Variants in KIF23 observed in about 807,000 individuals in gnomAD.
The protein encoded by KIF23 is kinesin-like protein KIF23.
In KIF23, 30 loss-of-function variants were observed where a neutral mutation model predicts 137.5. The ratio of observed to expected loss-of-function variants is 0.22; its 90% CI spans 0.16 to 0.30. The LOEUF (loss-of-function observed/expected upper bound fraction) is 0.30. KIF23 is among the 10% of genes least tolerant of loss of function. KIF23 has a pLI of 1.00. For missense variants in KIF23, 920 were observed against 1,194.3 expected (o/e 0.77, Z 3.38); for synonymous variants, 367 against 391.1 (o/e 0.94, Z 0.73).
At chr15:69,437,661 A>G (rs1054371762) in intron 15 of KIF23, among the ~76,000 whole-genome samples, 1 of 151,928 alleles carries the variant, frequency 6.6e-6, no homozygotes, top group African/African-American at 2.4e-5. Flanking sequence ...GGGTTTCACC[A>G]TGTTGGTCAG....
chr15:69,421,804 G>A, intron 4 of KIF23, 52 bp downstream of exon 4: 2 of 1,387,586 alleles, frequency 1.4e-6, no homozygotes, highest in Non-Finnish European at 2.0e-6. Flanking sequence ...CTCCTCTTCT[G>A]ATAAAACTTT....
chr15:69,414,526 C>G, intron 1 of KIF23, 50 bp downstream of exon 1: 1 of 1,492,076 alleles, frequency 6.7e-7, no homozygotes, highest in Non-Finnish European at 8.9e-7. Context: ...GGGGCCGAGG[C>G]CTCGGGGCTG....
At chr15:69,428,224 C>T (rs2057254466) in intron 10 of KIF23, among the ~76,000 whole-genome samples, 1 of 151,836 alleles carries the variant, frequency 6.6e-6, no homozygotes, top group Admixed American at 6.6e-5. Flanking sequence ...CACTGCACTC[C>T]AGCCTGGCGA....
At chr15:69,438,931 C>G (rs2057547278) in intron 16 of KIF23, among the ~76,000 whole-genome samples, 1 of 151,870 alleles carries the variant, frequency 6.6e-6, no homozygotes, top group South Asian at 2.1e-4. Flanking sequence ...TGGCGAAACC[C>G]CATATCTACA....
intron 7 of KIF23, among the ~76,000 whole-genome samples, chr15:69,424,682 G>A (rs2057145140): frequency 6.6e-6 from 1 of 152,018 alleles, no homozygotes; most frequent in African/African-American, 2.4e-5. Flanking sequence ...ATTTCTTGTA[G>A]AGATAGGAGT....
chr15:69,444,918 A>G lies in KIF23; in HGVS notation c.2550A>G (p.Pro850=). The change falls in exon 20 of 24, where the codon CCA becomes CCG. Residue 850 remains proline, a synonymous_variant. Coordinates refer to ENST00000679126, the MANE Select transcript of KIF23 (RefSeq NM_001367805.3). This position sits in a 1 kb window ranked among gnomAD's most constrained non-coding sequence, Gnocchi z 4.2. ...SNMQTETVMQ[P]HVPHAITVSV... is the part of the protein sequence containing the mutation. ...TGCAAACTGAAACAGTCATGCAGCC[A>G]CATGTCCCTCATGCCATCACAGTAT... 6.2e-7 allele frequency: 1 copy of G among 1,614,212 alleles called. No individual in the cohort carries two copies. Among genetic ancestry groups the G allele is most frequent in the Non-Finnish European group, 8.5e-7 (1 of 1,180,034 alleles).
chr15:69,443,764 A>G (rs1020708382), intron 19 of KIF23: 2 of 151,856 alleles, frequency 1.3e-5, no homozygotes, highest in African/African-American at 4.8e-5. Context: ...CCAGGTTTAC[A>G]TGACATTTGA....
At chr15:69,419,161 T>G (rs1441277148) in intron 3 of KIF23, among the ~76,000 whole-genome samples, 1 of 152,070 alleles carries the variant, frequency 6.6e-6, no homozygotes, top group Non-Finnish European at 1.5e-5. Context: ...AAAACAACTT[T>G]CTAAACATTT....
In KIF23 at chr15:69,414,402, G is replaced by GT; in HGVS notation, c.-63dup. On this transcript the variant is annotated 5_prime_UTR_variant, in exon 1 of 24. Transcript: ENST00000679126. ...TCTAGTTCTTGCTGCCGGTCCTAAC[G>GT]TCCCGCAGTCTTCGCCAGCCAGCCG... 6.4e-7 allele frequency: 1 copy of GT among 1,558,470 alleles called. No homozygotes were observed. Among genetic ancestry groups the GT allele is most frequent in the Non-Finnish European group, 8.7e-7 (1 of 1,151,388 alleles).
chr15:69,439,566 TG>T (rs1440049549), intron 16 of KIF23, among the ~76,000 whole-genome samples: 1 of 152,178 alleles, frequency 6.6e-6, no homozygotes, highest in Non-Finnish European at 1.5e-5. Context: ...AGAGGTTTGG[TG>T]GGGGTACACA....
intron 19 of KIF23, among the ~76,000 whole-genome samples, chr15:69,442,141 TAGTCTCACC>T: frequency 6.6e-6 from 1 of 152,260 alleles, no homozygotes; most frequent in Middle Eastern, 3.4e-3. Context: ...TAATATAAAA[TAGTCTCACC>T]CTGTCCCCCT....
chr15:69,445,109 C>T (rs2140418298), intron 20 of KIF23, 68 bp downstream of exon 20: 1 of 1,425,700 alleles, frequency 7.0e-7, no homozygotes, highest in East Asian at 2.5e-5. Flanking sequence ...ATTTGTCCTG[C>T]TACTCCTTTG....
intron 11 of KIF23, among the ~76,000 whole-genome samples, chr15:69,429,603 G>A (rs77197675): frequency 0.036 from 5,539 of 152,144 alleles, 171 homozygotes; most frequent in East Asian, 0.12. Context: ...CACTGTAACC[G>A]GCCTCGATGG....
intron 2 of KIF23, 94 bp from the exon 3 acceptor site, chr15:69,417,289 A>G: frequency 8.4e-7 from 1 of 1,191,522 alleles, no homozygotes; most frequent in South Asian, 2.0e-5. Flanking sequence ...GAGAGACTGA[A>G]TGTTTGTTGA....
rs539122966 is a variant in KIF23 at position 69,434,744 on chromosome 15, G to A, written c.1115-739G>A. ...GGATCTTCTCCTTGGGCACGAACGC[G>A]CTGACTGGGCAGGAGGCCATAAAGC... On this transcript the variant is annotated intron_variant, in intron 11 of 23. Transcript: ENST00000679126. 38 of 1,249,636 alleles carry A rather than the reference G, an allele frequency of 3.0e-5. No individual in the cohort carries two copies. In the East Asian group the frequency reaches 4.1e-4, roughly 13 times the overall value. The allele number at this position is 1,249,636 out of a possible 1,614,324, so 77.4% of individuals were successfully genotyped here.
chr15:69,429,287 C>A, intron 11 of KIF23, 74 bp downstream of exon 11: 2 of 963,598 alleles, frequency 2.1e-6, no homozygotes, highest in Non-Finnish European at 3.2e-6. Context: ...ATCTACTTAT[C>A]AATGGGTGGT....
chr15:69,422,099 A>C lies in KIF23; in HGVS notation c.424A>C (p.Ser142Arg). The stretch of plus-strand genomic sequence containing the variant: ...TCGTTGTTTGGACATGATCTTTAAC[A>C]GTATAGGGTCATTTCAAGCTAAACG... The part of the protein sequence containing the change: ...LPRCLDMIFN[S>R]IGSFQAKRYV... Residue 142 changes from serine (S) to arginine (R), a missense_variant, in exon 5 of 24, where the codon AGT becomes CGT. Ser to Arg is a moderately radical substitution (Grantham distance 110). This residue lies in a region of KIF23 where 714 missense variants were observed against 866.2 expected (regional missense o/e 0.82). Coordinates refer to ENST00000679126, the MANE Select transcript of KIF23 (RefSeq NM_001367805.3). 6.2e-7 allele frequency: 1 copy of C among 1,614,138 alleles called. No individual in the cohort carries two copies. The highest frequency in any genetic ancestry group is 8.5e-7 in the Non-Finnish European group (1 of 1,180,006).
chr15:69,439,123 G>A (rs1446455565), intron 16 of KIF23, among the ~76,000 whole-genome samples: 1 of 151,792 alleles, frequency 6.6e-6, no homozygotes, highest in African/African-American at 2.4e-5. Flanking sequence ...GTTCTCAATT[G>A]GTTGTTTACT....
rs1280348744 is a variant in KIF23 at position 69,448,085 on chromosome 15, G to GT, written c.*285dup. On this transcript the variant is annotated 3_prime_UTR_variant, in exon 24 of 24. Coordinates refer to ENST00000679126, the MANE Select transcript of KIF23 (RefSeq NM_001367805.3). ...CATCACTGTATGAATTTTTTATAATGTTTTTTTAAAATATATTTCATGTAT... is the reference window on the plus strand; with the variant it reads ...CATCACTGTATGAATTTTTTATAATGTTTTTTTTAAAATATATTTCATGTAT... 7.8e-5 allele frequency: 20 copies of GT among 255,878 alleles called. No individual in the cohort carries two copies. The highest frequency in any genetic ancestry group is 1.6e-4 in the Admixed American group (3 of 18,636). 15.9% of individuals were successfully genotyped at this position (255,878 alleles called of 1,614,324 possible).
Sources: gnomAD v4.1 joint callset for allele counts (sites outside exome capture counted in the v4.1 genomes callset) on GRCh38, gnomAD v4.1.1 for gene constraint, gnomAD v4.1.1 regional missense constraint, Gnocchi (gnomAD v3.1) non-coding constraint, MANE v1.5 for transcripts, NCBI Gene and HGNC (gene_info 2026-07-23, HGNC 2026-07-21) for gene names.